The following CAB39 variants were observed in gnomAD, a reference collection of about 807,000 sequenced individuals.
CAB39 encodes calcium-binding protein 39.
Under a neutral mutation model 40.0 loss-of-function variants are expected in CAB39, and 8 were observed. The observed-to-expected ratio is 0.20, with a 90% CI of 0.12 to 0.36. The LOEUF is 0.36. CAB39 is among the 10% of genes least tolerant of loss of function. CAB39 has a pLI of 1.00. For synonymous variants in CAB39, 156 were observed against 141.6 expected (o/e 1.10, Z -0.72); for missense variants, 270 against 401.1 (o/e 0.67, Z 2.79).
chr2:230,725,431 G>C (rs1694547750), intron 1 of CAB39: 7 of 1,562,162 alleles, frequency 4.5e-6, no homozygotes, highest in Non-Finnish European at 6.2e-6. Flanking sequence ...CGCAACTTCA[G>C]TTCCCGTAAC....
At chr2:230,799,780 C>CG (rs1489112912) in intron 5 of CAB39, among the ~76,000 whole-genome samples, 1 of 152,118 alleles carries the variant, frequency 6.6e-6, no homozygotes, top group Non-Finnish European at 1.5e-5. Flanking sequence ...GACCTGAGGT[C>CG]GGGAGTTCGA....
chr2:230,761,382 G>T (rs143315937), intron 2 of CAB39, among the ~76,000 whole-genome samples: 1 of 152,190 alleles, frequency 6.6e-6, no homozygotes, highest in African/African-American at 2.4e-5. Context: ...GTACTTAACT[G>T]TAAAAAATAT....
intron 1 of CAB39, among the ~76,000 whole-genome samples, 160 bp downstream of exon 1, chr2:230,713,390 A>G (rs933158555): frequency 1.2e-4 from 19 of 152,228 alleles, no homozygotes; most frequent in Admixed American, 6.5e-4. Context: ...AGCCGGGCCC[A>G]GCCTGCCCTC....
intron 1 of CAB39, among the ~76,000 whole-genome samples, chr2:230,741,946 A>C (rs1009917421): frequency 6.6e-6 from 1 of 152,174 alleles, no homozygotes; most frequent in Non-Finnish European, 1.5e-5. Context: ...GAAAGCAGCC[A>C]TCCTTTCTCA....
chr2:230,758,862 T>C (rs1433591294), intron 1 of CAB39, among the ~76,000 whole-genome samples: 4 of 152,220 alleles, frequency 2.6e-5, no homozygotes, highest in East Asian at 1.9e-4. Flanking sequence ...GGAGACTGTT[T>C]AGTGCCTGTG....
chr2:230,713,978 C>G (rs1221380743), intron 1 of CAB39: 1 of 152,494 alleles, frequency 6.6e-6, no homozygotes, highest in Non-Finnish European at 1.5e-5. Flanking sequence ...TCGCAGAAAC[C>G]TGGAAGGCTT....
chr2:230,802,827 G>A (rs1255824967), intron 5 of CAB39, among the ~76,000 whole-genome samples: 2 of 152,116 alleles, frequency 1.3e-5, no homozygotes, highest in Non-Finnish European at 2.9e-5. Context: ...TCTGCCAGAG[G>A]TACAAGGAGA....
intron 8 of CAB39, 92 bp from the exon 9 acceptor site, chr2:230,818,424 C>G (rs1038347339): frequency 6.4e-5 from 65 of 1,018,536 alleles, no homozygotes; most frequent in Admixed American, 7.0e-5. Flanking sequence ...CCCAGGAGAG[C>G]ACAGCTCTGC....
At chr2:230,738,767 G>A (rs1267021347) in intron 1 of CAB39, among the ~76,000 whole-genome samples, 1 of 152,212 alleles carries the variant, frequency 6.6e-6, no homozygotes, top group South Asian at 2.1e-4. Context: ...TGGGCATTTG[G>A]CCAGAACAGA....
chr2:230,748,813 G>GAAAAAAAAAAAAAA (rs759314442), intron 1 of CAB39, among the ~76,000 whole-genome samples: 1 of 31,770 alleles, frequency 3.1e-5, no homozygotes, highest in African/African-American at 1.1e-4. Context: ...TTTCCAAAAA[G>GAAAAAAAAAAAAAA]AAAAAAAAAA....
intron 1 of CAB39, among the ~76,000 whole-genome samples, chr2:230,728,501 A>G (rs535180855): frequency 6.6e-6 from 1 of 152,140 alleles, no homozygotes; most frequent in African/African-American, 2.4e-5. Flanking sequence ...GTGTTTTGCC[A>G]TGTTGTCCAG....
chr2:230,750,317 C>T (rs1695063384), intron 1 of CAB39, among the ~76,000 whole-genome samples: 1 of 152,176 alleles, frequency 6.6e-6, no homozygotes, highest in Non-Finnish European at 1.5e-5. Flanking sequence ...AATGCCAAAG[C>T]AGGCTTTTAT....
chr2:230,781,870 T>G (rs1695692408), intron 2 of CAB39, among the ~76,000 whole-genome samples: 1 of 152,192 alleles, frequency 6.6e-6, no homozygotes, highest in Non-Finnish European at 1.5e-5. Flanking sequence ...TTTGTTTTGT[T>G]TTTTTCCTTC....
intron 1 of CAB39, among the ~76,000 whole-genome samples, chr2:230,730,751 C>G (rs1308454616): frequency 1.3e-5 from 2 of 152,090 alleles, no homozygotes; most frequent in Non-Finnish European, 1.5e-5. Context: ...GCCAAGAAAA[C>G]TTATATGAAT....
At chr2:230,714,273 G>A (rs1159309567) in intron 1 of CAB39, among the ~76,000 whole-genome samples, 1 of 152,136 alleles carries the variant, frequency 6.6e-6, no homozygotes, top group African/African-American at 2.4e-5. Context: ...TGTAGGCTAG[G>A]GGATATTAAA....
intron 1 of CAB39, among the ~76,000 whole-genome samples, chr2:230,732,696 A>T (rs1694715503): frequency 1.3e-5 from 2 of 152,200 alleles, no homozygotes; most frequent in Admixed American, 1.3e-4. Flanking sequence ...CGCTGGGGGA[A>T]TGAGATCAGT....
At chr2:230,761,351 C>T (rs954247062) in intron 2 of CAB39, among the ~76,000 whole-genome samples, 1 of 152,146 alleles carries the variant, frequency 6.6e-6, no homozygotes, top group African/African-American at 2.4e-5. Flanking sequence ...CAGTCATTTT[C>T]TTACACTTAT....
intron 1 of CAB39, among the ~76,000 whole-genome samples, chr2:230,756,861 T>G (rs977014237): frequency 6.6e-6 from 1 of 151,866 alleles, no homozygotes; most frequent in Non-Finnish European, 1.5e-5. Flanking sequence ...CCCAGCTGAT[T>G]TTTGTATTTT....
intron 2 of CAB39, among the ~76,000 whole-genome samples, chr2:230,781,178 A>G (rs989722519): frequency 3.9e-5 from 6 of 152,200 alleles, no homozygotes; most frequent in African/African-American, 1.4e-4. Flanking sequence ...GGATGCAGAA[A>G]TACATCAAGA....
Sources: allele counts gnomAD v4.1 joint callset (sites outside exome capture counted in the v4.1 genomes callset), GRCh38; gene constraint gnomAD v4.1.1; transcripts MANE v1.5; gene names NCBI Gene and HGNC (gene_info 2026-07-23, HGNC 2026-07-21).